FLRT2: variants seen among roughly 807,000 people sequenced by gnomAD.
FLRT2 encodes the protein leucine-rich repeat transmembrane protein FLRT2.
FLRT2 carries 15 observed loss-of-function variants against 40.0 expected under a neutral mutation model. That is an observed-to-expected ratio of 0.38 (90% confidence interval 0.25 to 0.58). The LOEUF is 0.58. Among genes scored for constraint, FLRT2 ranks in the 20% least tolerant of loss-of-function variants. The pLI is 0.71. For synonymous variants in FLRT2, 380 were observed against 336.8 expected, an observed-to-expected ratio of 1.13 and a Z score of -1.41; for missense variants, 726 against 840.0, an observed-to-expected ratio of 0.86 and a Z score of 1.68.
At chr14:85,617,618 T>A (rs200083475) in intron 1 of FLRT2, among the ~76,000 whole-genome samples, 3 of 152,274 alleles carry the variant, frequency 2.0e-5, no homozygotes, top group East Asian at 3.9e-4. Flanking sequence ...AATTTAAATT[T>A]AAAAATTTAA....
At chr14:85,577,915 A>G (rs1891191643) in intron 1 of FLRT2, among the ~76,000 whole-genome samples, 2 of 151,592 alleles carry the variant, frequency 1.3e-5, no homozygotes, top group South Asian at 4.2e-4. Flanking sequence ...CACTGTCAAT[A>G]GGACTTGCGC....
intron 1 of FLRT2, among the ~76,000 whole-genome samples, chr14:85,568,683 G>A (rs951313152): frequency 3.3e-5 from 5 of 151,804 alleles, no homozygotes; most frequent in South Asian, 2.1e-4. Context: ...TGCACTCTTC[G>A]CCCCACAATT....
chr14:85,541,272 A>C (rs753584652), intron 1 of FLRT2, among the ~76,000 whole-genome samples: 13 of 152,172 alleles, frequency 8.5e-5, no homozygotes, highest in Non-Finnish European at 2.9e-5. Flanking sequence ...TTCATTCAGG[A>C]GATGATTTTT....
chr14:85,540,142 A>C (rs1594988996), intron 1 of FLRT2, among the ~76,000 whole-genome samples: 1 of 152,192 alleles, frequency 6.6e-6, no homozygotes, highest in Non-Finnish European at 1.5e-5. Context: ...CAGTTTAACT[A>C]TCCAGGTTAC....
At chr14:85,535,688 G>C (rs1204062769) in intron 1 of FLRT2, among the ~76,000 whole-genome samples, 1 of 146,978 alleles carries the variant, frequency 6.8e-6, no homozygotes, top group East Asian at 2.0e-4. Flanking sequence ...AAACCATTTA[G>C]GGATTTTTTA....
chr14:85,589,181 C>G (rs1205081160), intron 1 of FLRT2, among the ~76,000 whole-genome samples: 1 of 152,126 alleles, frequency 6.6e-6, no homozygotes, highest in Non-Finnish European at 1.5e-5. Context: ...TTTTGAGGAG[C>G]CTCCAAACTG....
chr14:85,550,456 C>G (rs1045596739), intron 1 of FLRT2, among the ~76,000 whole-genome samples: 1 of 152,146 alleles, frequency 6.6e-6, no homozygotes, highest in Non-Finnish European at 1.5e-5. Context: ...GAAAATGTGA[C>G]GTGATATGAG....
At chr14:85,615,675 C>T (rs901310781) in intron 1 of FLRT2, among the ~76,000 whole-genome samples, 10 of 50,280 alleles carry the variant, frequency 2.0e-4, no homozygotes, top group African/African-American at 1.3e-3. Flanking sequence ...AATCCCCACA[C>T]CTTGGTCAGC....
intron 1 of FLRT2, among the ~76,000 whole-genome samples, chr14:85,594,353 G>C (rs1311422970): frequency 6.6e-6 from 1 of 152,174 alleles, no homozygotes; most frequent in African/African-American, 2.4e-5. Flanking sequence ...TGTGGAATGT[G>C]TGTACACGTC....
intron 1 of FLRT2, among the ~76,000 whole-genome samples, chr14:85,591,451 G>A (rs571697499): frequency 6.6e-5 from 10 of 152,272 alleles, no homozygotes; most frequent in African/African-American, 2.4e-4. Flanking sequence ...GACACATCTT[G>A]CCCTTTTCCA....
In FLRT2 at chr14:85,653,919, T is replaced by A. The variant is rs1428245601; in HGVS notation, c.*30422T>A. On this transcript the variant is annotated 3_prime_UTR_variant, in exon 2 of 2. Transcript: ENST00000330753. ...TTTTTAAATTGAAGTACAAAGAAAC[T>A]GTAGCTATAATTATCTTTCTTGACA... 6.6e-6 allele frequency: 1 copy of A among 152,188 alleles called. No homozygotes were observed. The highest frequency in any genetic ancestry group is 1.5e-5 in the Non-Finnish European group (1 of 68,022). 9.4% of individuals were successfully genotyped at this position (152,188 alleles called of 1,614,324 possible).
chr14:85,610,184 A>G (rs1460878797), intron 1 of FLRT2, among the ~76,000 whole-genome samples: 1 of 152,052 alleles, frequency 6.6e-6, no homozygotes, highest in Non-Finnish European at 1.5e-5. Flanking sequence ...TTTATTTATT[A>G]TTTATACTTC....
At chr14:85,587,012 A>G (rs902255887) in intron 1 of FLRT2, among the ~76,000 whole-genome samples, 1 of 152,168 alleles carries the variant, frequency 6.6e-6, no homozygotes, top group Non-Finnish European at 1.5e-5. Context: ...GGGAAATTAC[A>G]TGCTATTTTA....
At position 85,605,510 on chromosome 14, in the gene FLRT2, C is replaced by T. The variant is rs536498018; in HGVS notation, c.-376-15629C>T. On this transcript the variant is annotated intron_variant, in intron 1 of 1. Coordinates refer to ENST00000330753, the MANE Select transcript of FLRT2 (RefSeq NM_013231.6). ...TTGTGGCTGGGCACGGTGGCTCACG[C>T]CTGTAATCCCAGCACTTTGGGAGGC... Among the ~76,000 whole-genome samples the T allele has an allele frequency of 7.2e-5, 11 of 152,292 alleles. No individual in the cohort carries two copies. The East Asian group carries it at 2.1e-3, about 29-fold the overall frequency.
At chr14:85,537,802 A>G (rs1279281201) in intron 1 of FLRT2, among the ~76,000 whole-genome samples, 1 of 151,030 alleles carries the variant, frequency 6.6e-6, no homozygotes, top group Non-Finnish European at 1.5e-5. Flanking sequence ...AATCAGTGGT[A>G]TTTTGAGTAC....
intron 1 of FLRT2, among the ~76,000 whole-genome samples, chr14:85,568,739 C>T (rs893027075): frequency 2.0e-5 from 3 of 152,194 alleles, no homozygotes; most frequent in African/African-American, 4.8e-5. Context: ...TGCTCTCTCT[C>T]CCTATTTCTG....
chr14:85,593,853 C>T (rs1828027644), intron 1 of FLRT2, among the ~76,000 whole-genome samples: 1 of 152,024 alleles, frequency 6.6e-6, no homozygotes. Context: ...ACTAGCCTGG[C>T]CAACATGGTG....
At chr14:85,583,054 C>G (rs1358549031) in intron 1 of FLRT2, among the ~76,000 whole-genome samples, 2 of 151,994 alleles carry the variant, frequency 1.3e-5, no homozygotes, top group Non-Finnish European at 2.9e-5. Flanking sequence ...AGGGAAAATT[C>G]CCATGTGAGA....
intron 1 of FLRT2, among the ~76,000 whole-genome samples, chr14:85,566,955 A>G (rs1403509610): frequency 6.6e-6 from 1 of 152,188 alleles, no homozygotes; most frequent in Non-Finnish European, 1.5e-5. Context: ...TGTTGTGCCT[A>G]AAAAGTAATC....
Sources: allele counts gnomAD v4.1 joint callset (sites outside exome capture counted in the v4.1 genomes callset), GRCh38; gene constraint gnomAD v4.1.1; transcripts MANE v1.5; gene names NCBI Gene and HGNC (gene_info 2026-07-23, HGNC 2026-07-21).